The following ADGRL3 variants were observed in gnomAD, a reference collection of about 807,000 sequenced individuals.
ADGRL3 encodes adhesion G protein-coupled receptor L3, also known as calcium-independent alpha-latrotoxin receptor 3.
ADGRL3 carries 62 observed loss-of-function variants against 153.5 expected under a neutral mutation model. The observed-to-expected ratio is 0.40, with a 90% CI of 0.33 to 0.50. The LOEUF is 0.50. Among genes scored for constraint, ADGRL3 ranks in the 20% least tolerant of loss-of-function variants. The pLI, the probability that ADGRL3 is intolerant of heterozygous loss-of-function variation, is 0.47. For synonymous variants in ADGRL3, 710 were observed against 672.5 expected (o/e 1.06, Z -0.86); for missense variants, 1,641 against 1,859.4 (o/e 0.88, Z 2.16).
At chr4:62,020,791 T>C (rs888563364) in intron 21 of ADGRL3, among the ~76,000 whole-genome samples, 2 of 152,084 alleles carry the variant, frequency 1.3e-5, no homozygotes, top group African/African-American at 4.8e-5. Context: ...TGCCGTCATA[T>C]AGTGGACTTT....
intron 21 of ADGRL3, among the ~76,000 whole-genome samples, chr4:62,008,461 A>T (rs1000442727): frequency 6.6e-6 from 1 of 152,116 alleles, no homozygotes; most frequent in African/African-American, 2.4e-5. Context: ...TGATAAAATT[A>T]TGACTGAGAC....
chr4:61,948,063 G>A (rs756694817), intron 16 of ADGRL3, 37 bp from the exon 17 acceptor site: 2 of 1,540,274 alleles, frequency 1.3e-6, no homozygotes, highest in Admixed American at 1.8e-5. Flanking sequence ...TGATCATAAA[G>A]TAGTTGTTGA....
chr4:61,517,513 C>G lies in ADGRL3; in HGVS notation c.254C>G (p.Ala85Gly), dbSNP rs538854407. The G allele has an allele frequency of 1.4e-6, 1 of 707,122 alleles. No homozygotes were observed. Among genetic ancestry groups the G allele is most frequent in the Admixed American group, 2.0e-5 (1 of 50,004 alleles). The allele number at this position is 707,122 out of a possible 1,614,324, so 43.8% of individuals were successfully genotyped here. Reference protein sequence around the residue: ...GPGAQGAQIAAQAFSRAPIPM... With the variant: ...GPGAQGAQIAGQAFSRAPIPM... ...GGTGCCCAAGGAGCACAGATTGCAG[C>G]GCAAGGTGCGGCCAGCGGTGGGGAG... The change falls in exon 4 of 27, where the codon GCG (alanine) becomes GGG (glycine). Residue 85 changes from alanine to glycine, a missense_variant. By Grantham distance (60) the Ala-to-Gly change is moderately conservative. This residue lies in a region of ADGRL3 where 145 missense variants were observed against 79.1 expected (regional missense o/e 1.83). Transcript: ENST00000683033.
intron 5 of ADGRL3, among the ~76,000 whole-genome samples, chr4:61,670,710 G>T (rs1017090877): frequency 8.5e-5 from 13 of 152,082 alleles, no homozygotes; most frequent in African/African-American, 3.1e-4. Flanking sequence ...TCTTTTATGT[G>T]TCAGAAAAAG....
At chr4:61,430,519 A>G (rs535872039) in intron 2 of ADGRL3, among the ~76,000 whole-genome samples, 11 of 152,274 alleles carry the variant, frequency 7.2e-5, no homozygotes, top group Non-Finnish European at 1.6e-4. Context: ...TTGCATTAAC[A>G]ATATTGAATT....
intron 6 of ADGRL3, among the ~76,000 whole-genome samples, chr4:61,714,292 CTT>C (rs879312310): frequency 3.4e-5 from 5 of 148,852 alleles, no homozygotes; most frequent in Non-Finnish European, 5.9e-5. Flanking sequence ...AAATATAAAA[CTT>C]GATATTATGA....
chr4:61,339,281 T>A (rs984348742), intron 1 of ADGRL3, among the ~76,000 whole-genome samples: 1 of 152,190 alleles, frequency 6.6e-6, no homozygotes, highest in Non-Finnish European at 1.5e-5. Flanking sequence ...CTTTCCTATA[T>A]GTTTAATTAG....
In ADGRL3 at chr4:61,998,240, G is replaced by C. The variant is rs775755331; in HGVS notation, c.3370G>C (p.Glu1124Gln). The C allele has an allele frequency of 6.3e-7, 1 of 1,580,568 alleles. No individual in the cohort carries two copies. The highest frequency in any genetic ancestry group is 8.6e-7 in the Non-Finnish European group (1 of 1,163,796). The change falls in exon 21 of 27, where the codon GAA (glutamate) becomes CAA (glutamine). Residue 1124 changes from glutamate (E) to glutamine (Q), a missense_variant. By Grantham distance (29) the Glu-to-Gln change is conservative. Around this residue, in one of 5 missense-constraint regions of ADGRL3, gnomAD observed 517 missense variants for 555.0 expected, o/e 0.93. Transcript: ENST00000683033. ...MFHHTAILKP[E>Q]SGCLDNINYE... ...TCATCATACTGCTATACTGAAACCTGAATCAGGCTGTCTTGATAACATCAA... is the reference window on the plus strand; with the variant it reads ...TCATCATACTGCTATACTGAAACCTCAATCAGGCTGTCTTGATAACATCAA...
rs536910570 is a variant in ADGRL3, at chr4:61,646,571, C to T, written c.474-30255C>T. Among the ~76,000 whole-genome samples, 8 of 151,348 alleles carry T rather than the reference C, an allele frequency of 5.3e-5. No individual in the cohort carries two copies. The South Asian group carries it at 1.5e-3, about 27-fold the overall frequency. On this transcript the variant is annotated intron_variant, in intron 5 of 26. Coordinates refer to ENST00000683033, the MANE Select transcript of ADGRL3 (RefSeq NM_001387552.1). ...TCAGTCTGCCCGTACTGAGGGGTGC[C>T]TCCCAGTTAGGCTGTTCGGGGGTCA... is the stretch of plus-strand genomic sequence containing the variant.
intron 5 of ADGRL3, among the ~76,000 whole-genome samples, chr4:61,639,660 A>G (rs983034520): frequency 3.9e-5 from 6 of 152,320 alleles, no homozygotes; most frequent in Admixed American, 2.6e-4. Flanking sequence ...AAGCAACTGT[A>G]TACTGAAATA....
rs909275228 is a variant in ADGRL3, at chr4:61,996,273, C to G, written c.3237-18C>G. 17 of 1,593,906 alleles carry G rather than the reference C, an allele frequency of 1.1e-5. No homozygotes were observed. The African/African-American group carries it at 2.3e-4, about 21-fold the overall frequency. On this transcript the variant is annotated intron_variant, in intron 19 of 26. Coordinates refer to ENST00000683033, the MANE Select transcript of ADGRL3 (RefSeq NM_001387552.1). ...ACCCAGTCCTTGAATACCTTCTCTC[C>G]CTTGTGTTTCATTGCAGATGTTGGC...
chr4:61,880,800 C>T (rs1390762943), intron 9 of ADGRL3, among the ~76,000 whole-genome samples: 1 of 152,088 alleles, frequency 6.6e-6, no homozygotes, highest in Non-Finnish European at 1.5e-5. Flanking sequence ...AATTATGCAG[C>T]TCTTTCTTTT....
chr4:61,996,183 C>T, intron 19 of ADGRL3, 108 bp from the exon 20 acceptor site: 1 of 690,124 alleles, frequency 1.4e-6, no homozygotes, highest in East Asian at 2.6e-5. Context: ...TTCCTGTCTC[C>T]CAGTGGAATG....
At position 61,726,210 on chromosome 4, in the gene ADGRL3, G is replaced by GTTTTTTTTTTTTTTTTTTTTTTTTTTTT. The variant is rs149472429; in HGVS notation, c.584-4406_584-4405insTTTTTTTTTTTTTTTTTTTTTTTTTTTT. 5.2e-4 allele frequency among the ~76,000 whole-genome samples: 62 copies of GTTTTTTTTTTTTTTTTTTTTTTTTTTTT among 118,474 alleles called. 6 individuals carry two copies. The highest frequency in any genetic ancestry group is 8.1e-4 in the Admixed American group (8 of 9,894). The allele number at this position is 118,474 out of a possible 152,430, so 77.7% of individuals were successfully genotyped here. On this transcript the variant is annotated intron_variant, in intron 6 of 26. Transcript: ENST00000683033. Reference sequence around the variant, plus strand: ...AATACTCACTGGAACTTTTTTTTTTGTTTTTTGAGAAGGAGTCTCACCCTG... The same window carrying GTTTTTTTTTTTTTTTTTTTTTTTTTTTT: ...AATACTCACTGGAACTTTTTTTTTTGTTTTTTTTTTTTTTTTTTTTTTTTTTTTTTTTTTGAGAAGGAGTCTCACCCTG...
At chr4:61,624,573 T>G (rs1298910709) in intron 5 of ADGRL3, among the ~76,000 whole-genome samples, 5 of 152,090 alleles carry the variant, frequency 3.3e-5, no homozygotes, top group Admixed American at 2.6e-4. Flanking sequence ...AAATGTTTAT[T>G]ATATGTAACA....
At chr4:61,901,331 C>T (rs1032749268) in intron 11 of ADGRL3, among the ~76,000 whole-genome samples, 1 of 152,170 alleles carries the variant, frequency 6.6e-6, no homozygotes, top group Non-Finnish European at 1.5e-5. Flanking sequence ...AATAATGTTG[C>T]CATTTTACAT....
intron 1 of ADGRL3, among the ~76,000 whole-genome samples, chr4:61,337,303 C>A (rs534951612): frequency 6.6e-6 from 1 of 152,236 alleles, no homozygotes; most frequent in South Asian, 2.1e-4. Flanking sequence ...GAGAATACAG[C>A]TGAATGACAG....
Position 61,388,557 on chromosome 4 carries a change from C to T in ADGRL3, c.-174+5368C>T, listed in dbSNP as rs140910053. Among the ~76,000 whole-genome samples, 22 of 152,322 alleles carry T rather than the reference C, an allele frequency of 1.4e-4. No homozygotes were observed. The East Asian group carries it at 4.1e-3, about 28-fold the overall frequency. Reference sequence around the variant, plus strand: ...TTCTTTAATCCTCTATCTCACACATCCATCAGCATATTCTGTCTGACCACT... The same window carrying T: ...TTCTTTAATCCTCTATCTCACACATTCATCAGCATATTCTGTCTGACCACT... On this transcript the variant is annotated intron_variant, in intron 2 of 26. Transcript: ENST00000683033.
intron 1 of ADGRL3, among the ~76,000 whole-genome samples, chr4:61,256,827 T>A (rs2149509013): frequency 6.6e-6 from 1 of 152,282 alleles, no homozygotes; most frequent in Non-Finnish European, 1.5e-5. Flanking sequence ...TAGTCTCATA[T>A]CCTACTTTTA....
Sources: gnomAD v4.1 joint callset for allele counts (sites outside exome capture counted in the v4.1 genomes callset) on GRCh38, gnomAD v4.1.1 for gene constraint, gnomAD v4.1.1 regional missense constraint, MANE v1.5 for transcripts, NCBI Gene and HGNC (gene_info 2026-07-23, HGNC 2026-07-21) for gene names.